Variants in MR1 observed in about 807,000 individuals in gnomAD.
MR1 encodes the protein major histocompatibility complex class I-related protein 1.
A neutral mutation model predicts 37.8 loss-of-function variants in MR1; 44 were observed. The ratio of observed to expected loss-of-function variants is 1.16; its 90% CI spans 0.91 to 1.50. MR1 has a LOEUF of 1.50. MR1 is among the 40% of genes most tolerant of loss of function. The pLI, the probability that MR1 is intolerant of heterozygous loss-of-function variation, is 0.00. For synonymous variants in MR1, 153 were observed against 155.8 expected (o/e 0.98, Z 0.13); for missense variants, 386 against 419.1 (o/e 0.92, Z 0.69).
intron 1 of MR1, among the ~76,000 whole-genome samples, chr1:181,042,199 A>AT (rs1242264817): frequency 8.2e-5 from 12 of 146,072 alleles, no homozygotes; most frequent in African/African-American, 3.2e-4. Flanking sequence ...AATCAAAGAT[A>AT]ATTTTTTTTT....
At chr1:181,051,760 C>T (rs1189424862) in intron 3 of MR1, among the ~76,000 whole-genome samples, 3 of 152,238 alleles carry the variant, frequency 2.0e-5, no homozygotes, top group African/African-American at 4.8e-5. Context: ...AAAATGCCAG[C>T]GCAAGTACAC....
rs1209973049 is a variant in MR1, at chr1:181,061,887, G to C, written c.*6622G>C. On this transcript the variant is annotated 3_prime_UTR_variant, in exon 6 of 6. Transcript: ENST00000367580. ...GAGGACTGGTCTGAATTCTTCAAAG[G>C]TTTCAGCTGTATTAACATTCTCCAT... 1 of 152,080 alleles carries C rather than the reference G, an allele frequency of 6.6e-6. No homozygotes were observed. The allele number at this position is 152,080 out of a possible 1,614,324, so 9.4% of individuals were successfully genotyped here.
At chr1:181,052,902 A>G (rs575170053) in intron 4 of MR1, among the ~76,000 whole-genome samples, 4 of 152,088 alleles carry the variant, frequency 2.6e-5, no homozygotes, top group African/African-American at 7.2e-5. Flanking sequence ...CCCCATCTCT[A>G]CTAAAAATAC....
At chr1:181,039,406 C>T (rs868581279) in intron 1 of MR1, among the ~76,000 whole-genome samples, 1 of 152,142 alleles carries the variant, frequency 6.6e-6, no homozygotes, top group Non-Finnish European at 1.5e-5. Flanking sequence ...TCTTTTCTGG[C>T]GCTTGCTGCT....
intron 1 of MR1, among the ~76,000 whole-genome samples, chr1:181,037,716 AAGTC>A: frequency 6.6e-6 from 1 of 152,234 alleles, no homozygotes; most frequent in Non-Finnish European, 1.5e-5. Flanking sequence ...TATACATATT[AAGTC>A]ACATTTTGTT....
At chr1:181,045,941 C>T (rs1357524258) in intron 1 of MR1, among the ~76,000 whole-genome samples, 1 of 152,238 alleles carries the variant, frequency 6.6e-6, no homozygotes, top group Non-Finnish European at 1.5e-5. Flanking sequence ...GCCGGCCCTG[C>T]CGGCCCGGGC....
At chr1:181,051,749 C>T (rs2102399601) in intron 3 of MR1, among the ~76,000 whole-genome samples, 1 of 152,316 alleles carries the variant, frequency 6.6e-6, no homozygotes, top group Admixed American at 6.5e-5. Flanking sequence ...TGGCAGTCAT[C>T]AAAATGCCAG....
chr1:181,049,061 C>T lies in MR1; in HGVS notation c.77C>T (p.Ser26Phe). ...TTTGCCTCCTTTCCAGGGACGCACT[C>T]TCTGAGATATTTTCGCCTGGGCGTT... ...MVKHSDSRTH[S>F]LRYFRLGVSD... is the part of the protein sequence containing the mutation. Residue 26 changes from serine (S) to phenylalanine (F), a missense_variant, in exon 2 of 6, where the codon TCT (serine) becomes TTT (phenylalanine). Physicochemically the swap from Ser to Phe is radical, Grantham distance 155 (BLOSUM62 -2). Coordinates refer to ENST00000367580, the MANE Select transcript of MR1 (RefSeq NM_001385161.1). 2 of 1,613,878 alleles carry T rather than the reference C, an allele frequency of 1.2e-6. No individual in the cohort carries two copies. The highest frequency in any genetic ancestry group is 1.7e-6 in the Non-Finnish European group (2 of 1,179,796).
In MR1 at chr1:181,058,267, TG is replaced by T. The variant is rs942159083; in HGVS notation, c.*3004del. 1 of 152,152 alleles carries T rather than the reference TG, an allele frequency of 6.6e-6. No homozygotes were observed. Among genetic ancestry groups the T allele is most frequent in the Non-Finnish European group, 1.5e-5 (1 of 68,018 alleles). The allele number at this position is 152,152 out of a possible 1,614,324, so 9.4% of individuals were successfully genotyped here. A position where few individuals can be genotyped will look rare whatever the true frequency, so the allele number is the denominator to read the frequency against. ...TTTGAATTTTCTTTACTGAATATTT[TG>T]GATCAAGAACACTAGATGAGAAACC... On this transcript the variant is annotated 3_prime_UTR_variant, in exon 6 of 6. Coordinates refer to ENST00000367580, the MANE Select transcript of MR1 (RefSeq NM_001385161.1).
chr1:181,043,361 A>T (rs1558114216), intron 1 of MR1, among the ~76,000 whole-genome samples: 2 of 152,236 alleles, frequency 1.3e-5, no homozygotes, highest in African/African-American at 4.8e-5. Context: ...TGGGGCGGGG[A>T]TACCTACTCT....
At chr1:181,034,608 C>G (rs1247432928) in intron 1 of MR1, among the ~76,000 whole-genome samples, 1 of 152,132 alleles carries the variant, frequency 6.6e-6, no homozygotes, top group African/African-American at 2.4e-5. Context: ...TCGGGGAGCT[C>G]AAGTCACTGG....
chr1:181,050,626 A>G (rs1024318476), intron 3 of MR1: 2 of 324,018 alleles, frequency 6.2e-6, no homozygotes, highest in Non-Finnish European at 1.2e-5. Flanking sequence ...TAGTTAACAA[A>G]GGGCTCACAC....
intron 1 of MR1, among the ~76,000 whole-genome samples, chr1:181,046,753 C>T (rs1189317049): frequency 6.6e-6 from 1 of 152,118 alleles, no homozygotes; most frequent in Non-Finnish European, 1.5e-5. Flanking sequence ...TCCACACTGC[C>T]TTTATGAGCT....
At chr1:181,050,564 AATG>A in intron 3 of MR1, 2 of 424,014 alleles carry the variant, frequency 4.7e-6, no homozygotes, top group Admixed American at 7.2e-5. Context: ...CCATTCCGTC[AATG>A]ATAAGCTGGG....
rs1658446557 is a variant in MR1, at chr1:181,053,620, G to T, written c.928G>T (p.Val310Phe). The change falls in exon 5 of 6, where the codon GTC becomes TTC. Residue 310 changes from valine (V) to phenylalanine (F), a missense_variant. Transcript: ENST00000367580. Reference protein sequence around the residue: ...LVMKAVSGSIVLVIVLAGVGV... With the variant: ...LVMKAVSGSIFLVIVLAGVGV... ...GATGAAAGCTGTCTCTGGGTCCATTGTCCTTGTCATTGTGCTGGCTGGAGT... is the reference window on the plus strand; with the variant it reads ...GATGAAAGCTGTCTCTGGGTCCATTTTCCTTGTCATTGTGCTGGCTGGAGT... 3.1e-6 allele frequency: 5 copies of T among 1,613,860 alleles called. No homozygotes were observed. The highest frequency in any genetic ancestry group is 4.2e-6 in the Non-Finnish European group (5 of 1,179,894).
Position 181,060,137 on chromosome 1 carries a change from T to G in MR1, c.*4872T>G, listed in dbSNP as rs982577032. 1 of 151,960 alleles carries G rather than the reference T, an allele frequency of 6.6e-6. No homozygotes were observed. Among genetic ancestry groups the G allele is most frequent in the African/African-American group, 2.4e-5 (1 of 41,424 alleles). The allele number at this position is 151,960 out of a possible 1,614,324, so 9.4% of individuals were successfully genotyped here. A position where few individuals can be genotyped will look rare whatever the true frequency, so the allele number is the denominator to read the frequency against. ...GGATCTGTTCCAGGCTTCCCTCCTATCTTCTGGTTGTTCCTTGCCTTCTGG... is the reference window on the plus strand; with the variant it reads ...GGATCTGTTCCAGGCTTCCCTCCTAGCTTCTGGTTGTTCCTTGCCTTCTGG... On this transcript the variant is annotated 3_prime_UTR_variant, in exon 6 of 6. Transcript: ENST00000367580.
chr1:181,038,965 A>G (rs1404510619), intron 1 of MR1, among the ~76,000 whole-genome samples: 1 of 151,976 alleles, frequency 6.6e-6, no homozygotes, highest in African/African-American at 2.4e-5. Context: ...CACCACACCC[A>G]GCTAATTTTT....
At chr1:181,052,546 C>G (rs765479153) in intron 4 of MR1, 36 bp downstream of exon 4, 5 of 1,595,620 alleles carry the variant, frequency 3.1e-6, no homozygotes, top group East Asian at 2.2e-5. Flanking sequence ...AGGGAGAGAG[C>G]CTGGAGAAAG....
intron 1 of MR1, among the ~76,000 whole-genome samples, chr1:181,039,055 T>C (rs1341859816): frequency 6.6e-6 from 1 of 152,184 alleles, no homozygotes; most frequent in Non-Finnish European, 1.5e-5. Flanking sequence ...TCCGCCTGCC[T>C]TGGCCCCCCA....
Sources: gnomAD v4.1 joint callset for allele counts (sites outside exome capture counted in the v4.1 genomes callset) on GRCh38, gnomAD v4.1.1 for gene constraint, MANE v1.5 for transcripts, NCBI Gene and HGNC (gene_info 2026-07-23, HGNC 2026-07-21) for gene names.